Variants in PBX3 observed in about 807,000 individuals in gnomAD.
PBX3 encodes pre-B-cell leukemia transcription factor 3.
In PBX3, 14 loss-of-function variants were observed where a neutral mutation model predicts 48.5. The observed-to-expected ratio is 0.29, with a 90% CI of 0.19 to 0.45. PBX3 has a LOEUF of 0.45. Among genes scored for constraint, PBX3 ranks in the 20% least tolerant of loss-of-function variants. The probability of loss-of-function intolerance (pLI) is 1.00; values close to 1 mark genes in which losing one functional copy is unlikely to be tolerated. For synonymous variants in PBX3, 210 were observed against 200.3 expected (o/e 1.05, Z -0.41); for missense variants, 386 against 546.7 (o/e 0.71, Z 2.93).
At chr9:125,933,629 G>A (rs1441649007) in intron 4 of PBX3, among the ~76,000 whole-genome samples, 3 of 152,110 alleles carry the variant, frequency 2.0e-5, no homozygotes, top group Non-Finnish European at 4.4e-5. Context: ...GGCTGAAGCA[G>A]GGATACAGGG....
chr9:125,963,228 G>A, intron 8 of PBX3, 127 bp downstream of exon 8: 1 of 521,428 alleles, frequency 1.9e-6, no homozygotes, highest in South Asian at 3.6e-5. Flanking sequence ...CGTCTTTGCT[G>A]CACTTTTATT....
At chr9:125,919,091 A>G (rs532323626) in intron 3 of PBX3, among the ~76,000 whole-genome samples, 1 of 152,302 alleles carries the variant, frequency 6.6e-6, no homozygotes, top group Admixed American at 6.5e-5. Context: ...TTCCTTTTTC[A>G]TTGAATTGTG....
At chr9:125,772,052 C>T (rs903061169) in intron 2 of PBX3, among the ~76,000 whole-genome samples, 2 of 152,132 alleles carry the variant, frequency 1.3e-5, no homozygotes, top group African/African-American at 4.8e-5. Context: ...AGAATATTAA[C>T]CTCTTAGTAC....
intron 2 of PBX3, among the ~76,000 whole-genome samples, chr9:125,901,304 C>A (rs971108212): frequency 2.0e-5 from 3 of 151,636 alleles, no homozygotes; most frequent in Non-Finnish European, 3.0e-5. Context: ...TATTATCTAG[C>A]ATTCAACTGT....
At chr9:125,908,911 G>T (rs1841139149) in intron 2 of PBX3, among the ~76,000 whole-genome samples, 1 of 152,050 alleles carries the variant, frequency 6.6e-6, no homozygotes, top group South Asian at 2.1e-4. Flanking sequence ...GCAGAGCACA[G>T]GTAACCCTTT....
intron 2 of PBX3, among the ~76,000 whole-genome samples, chr9:125,827,321 C>G (rs558156217): frequency 2.9e-4 from 44 of 152,184 alleles, no homozygotes; most frequent in African/African-American, 1.0e-3. Flanking sequence ...TAAATGTTAA[C>G]ATTTTGCCAT....
intron 4 of PBX3, among the ~76,000 whole-genome samples, chr9:125,932,672 A>G (rs1366829002): frequency 6.6e-6 from 1 of 152,264 alleles, no homozygotes; most frequent in African/African-American, 2.4e-5. Context: ...AAGATAGTAA[A>G]ACATGTCTGA....
intron 2 of PBX3, among the ~76,000 whole-genome samples, chr9:125,829,047 C>T (rs766702514): frequency 6.6e-6 from 1 of 152,166 alleles, no homozygotes; most frequent in African/African-American, 2.4e-5. Context: ...GGGAGACAGA[C>T]AGGTTGTTTG....
At chr9:125,937,658 G>C (rs1457591907) in intron 5 of PBX3, among the ~76,000 whole-genome samples, 1 of 152,124 alleles carries the variant, frequency 6.6e-6, no homozygotes, top group African/African-American at 2.4e-5. Flanking sequence ...CAGGTCAACT[G>C]CTTTTGCTTT....
chr9:125,771,898 A>G (rs1488585303), intron 2 of PBX3, among the ~76,000 whole-genome samples: 1 of 152,158 alleles, frequency 6.6e-6, no homozygotes, highest in Admixed American at 6.6e-5. Context: ...AGAGTAGTGC[A>G]AGGGTGAGAG....
intron 2 of PBX3, among the ~76,000 whole-genome samples, chr9:125,844,290 CT>C (rs76961851): frequency 0.03 from 3,878 of 127,946 alleles, 116 homozygotes; most frequent in African/African-American, 0.083. Flanking sequence ...AGAATGCCAC[CT>C]TTTTTTTTTT....
chr9:125,897,141 GTTTT>G (rs371641194), intron 2 of PBX3, among the ~76,000 whole-genome samples: 3 of 108,932 alleles, frequency 2.8e-5, no homozygotes, highest in Non-Finnish European at 5.5e-5. Context: ...TTCATTTGTG[GTTTT>G]TTTTTTTTTT....
chr9:125,857,077 A>AGAGT (rs1839743151), intron 2 of PBX3, among the ~76,000 whole-genome samples: 1 of 152,220 alleles, frequency 6.6e-6, no homozygotes, highest in Admixed American at 6.5e-5. Flanking sequence ...TATGTGTGAT[A>AGAGT]GAGTGCAAGC....
Position 125,966,683 on chromosome 9 carries a change from C to A in PBX3, c.*760C>A, listed in dbSNP as rs545284875. On this transcript the variant is annotated 3_prime_UTR_variant, in exon 9 of 9. Transcript: ENST00000373489. ...AAGGTTTGCTACGTCCTCTGGGCAT[C>A]TGCAAAAGGCCCTGCTCTCTGGAGT... The A allele has an allele frequency of 6.5e-6, 1 of 152,690 alleles. No individual in the cohort carries two copies. Among genetic ancestry groups the A allele is most frequent in the Non-Finnish European group, 1.5e-5 (1 of 68,074 alleles). 9.5% of individuals were successfully genotyped at this position (152,690 alleles called of 1,614,324 possible). A position where few individuals can be genotyped will look rare whatever the true frequency, so the allele number is the denominator to read the frequency against.
intron 4 of PBX3, among the ~76,000 whole-genome samples, chr9:125,933,361 T>C (rs945916654): frequency 5.3e-5 from 8 of 152,210 alleles, no homozygotes; most frequent in African/African-American, 1.9e-4. Flanking sequence ...AGTGCTGTAG[T>C]TTGGACACAG....
At chr9:125,950,598 C>G (rs1842174437) in intron 5 of PBX3, among the ~76,000 whole-genome samples, 1 of 152,024 alleles carries the variant, frequency 6.6e-6, no homozygotes, top group Non-Finnish European at 1.5e-5. Flanking sequence ...TCTCCTGCCT[C>G]AGCCTCCTGA....
intron 1 of PBX3, 117 bp downstream of exon 1, chr9:125,747,770 T>A: frequency 1.3e-6 from 1 of 754,602 alleles, no homozygotes; most frequent in Non-Finnish European, 1.9e-6. Flanking sequence ...GGGAACTTTC[T>A]CCGAAAGCCG....
intron 2 of PBX3, among the ~76,000 whole-genome samples, chr9:125,782,731 C>T (rs112122381): frequency 0.035 from 5,389 of 152,192 alleles, 332 homozygotes; most frequent in African/African-American, 0.12. Context: ...TTTCTTGTAG[C>T]GTAGGTAGGT....
chr9:125,829,362 A>G lies in PBX3; in HGVS notation c.274+80739A>G, dbSNP rs1350722367. 3.9e-5 allele frequency among the ~76,000 whole-genome samples: 6 copies of G among 152,302 alleles called. No individual in the cohort carries two copies. The East Asian group carries it at 1.2e-3, about 29-fold the overall frequency. ...AATGCAACCGAGGTACATTTTCTTTAGCTAATATACACTTGTCACGTTTCT... is the reference window on the plus strand; with the variant it reads ...AATGCAACCGAGGTACATTTTCTTTGGCTAATATACACTTGTCACGTTTCT... On this transcript the variant is annotated intron_variant, in intron 2 of 8. Transcript: ENST00000373489.
Sources: allele counts gnomAD v4.1 joint callset (sites outside exome capture counted in the v4.1 genomes callset), GRCh38; gene constraint gnomAD v4.1.1; transcripts MANE v1.5; gene names NCBI Gene and HGNC (gene_info 2026-07-23, HGNC 2026-07-21).